Variants in ALDH2 observed in about 807,000 individuals in gnomAD.
ALDH2 encodes aldehyde dehydrogenase, mitochondrial.
A neutral mutation model predicts 59.6 loss-of-function variants in ALDH2; 44 were observed. The ratio of observed to expected loss-of-function variants is 0.74; its 90% confidence interval spans 0.58 to 0.95. ALDH2 has a LOEUF of 0.95. Ranked by LOEUF, ALDH2 falls within the 40% of genes least tolerant of loss-of-function variation. The pLI, the probability that ALDH2 is intolerant of heterozygous loss-of-function variation, is 0.00. For synonymous variants in ALDH2, 291 were observed against 284.0 expected (o/e 1.02, Z -0.25); for missense variants, 570 against 696.3 (o/e 0.82, Z 2.04).
intron 12 of ALDH2, 35 bp from the exon 13 acceptor site, chr12:111,809,508 A>C (rs1254056191): frequency 6.2e-7 from 1 of 1,613,584 alleles, no homozygotes; most frequent in Non-Finnish European, 8.5e-7. Context: ...ACAGGGAAGC[A>C]GGAAGATCTA....
intron 3 of ALDH2, among the ~76,000 whole-genome samples, chr12:111,784,933 A>G (rs1276747174): frequency 1.3e-5 from 2 of 152,176 alleles, no homozygotes; most frequent in Admixed American, 6.6e-5. Flanking sequence ...GACTTGTGTC[A>G]TTATGCACAG....
At chr12:111,785,910 C>T (rs1442135142) in intron 4 of ALDH2, among the ~76,000 whole-genome samples, 1 of 152,112 alleles carries the variant, frequency 6.6e-6, no homozygotes, top group Non-Finnish European at 1.5e-5. Context: ...TGGAACTTGT[C>T]CATTTTATCG....
rs1181505522 is a variant in ALDH2, at chr12:111,787,154, C to T, written c.440+1808C>T. Among the ~76,000 whole-genome samples, 4 of 151,886 alleles carry T rather than the reference C, an allele frequency of 2.6e-5. No homozygotes were observed. In the South Asian group the frequency reaches 6.2e-4, roughly 24 times the overall value. On this transcript the variant is annotated intron_variant, in intron 4 of 12. Coordinates refer to ENST00000261733, the MANE Select transcript of ALDH2 (RefSeq NM_000690.4). ...CCAGGAGGTGGAGGTTACAGTGAGC[C>T]GAGATCGTGCCATTGCACTCCAGTC...
In ALDH2 at chr12:111,810,968, TTAAG is replaced by T. The variant is rs1405833289; in HGVS notation, c.*1395_*1398del. ...GAAACCAGATGTCAATTTACTTACT[TTAAG>T]TGAGATCTGTATCTTCAGTAACCAG... On this transcript the variant is annotated 3_prime_UTR_variant, in exon 13 of 13. Transcript: ENST00000261733. 6.6e-6 allele frequency: 1 copy of T among 152,068 alleles called. No individual in the cohort carries two copies. Among genetic ancestry groups the T allele is most frequent in the Non-Finnish European group, 1.5e-5 (1 of 68,018 alleles). The allele number at this position is 152,068 out of a possible 1,614,324, so 9.4% of individuals were successfully genotyped here. A position where few individuals can be genotyped will look rare whatever the true frequency, so the allele number is the denominator to read the frequency against.
intron 10 of ALDH2, among the ~76,000 whole-genome samples, chr12:111,798,782 G>C (rs1345268678): frequency 6.6e-6 from 1 of 151,986 alleles, no homozygotes; most frequent in Non-Finnish European, 1.5e-5. Context: ...CGAAGTGGGT[G>C]GATCACCTGA....
intron 12 of ALDH2, among the ~76,000 whole-genome samples, 173 bp from the exon 13 acceptor site, chr12:111,809,370 G>A (rs1485725464): frequency 1.3e-5 from 2 of 152,120 alleles, no homozygotes; most frequent in East Asian, 1.9e-4. Context: ...TGGGAGGATC[G>A]CTTGAGCCAG....
chr12:111,784,947 CTT>C (rs1054278049), intron 3 of ALDH2, among the ~76,000 whole-genome samples: 1 of 152,214 alleles, frequency 6.6e-6, no homozygotes, highest in Non-Finnish European at 1.5e-5. Context: ...TGCACAGTCT[CTT>C]TGCTCTGTAA....
At chr12:111,790,673 GC>G in intron 6 of ALDH2, 111 bp downstream of exon 6, 6 of 1,427,070 alleles carry the variant, frequency 4.2e-6, no homozygotes, top group Non-Finnish European at 4.8e-6. Flanking sequence ...TGTTTGTGGA[GC>G]CCCCATCACC....
chr12:111,791,517 C>T (rs943187004), intron 7 of ALDH2, 98 bp downstream of exon 7: 19 of 930,348 alleles, frequency 2.0e-5, no homozygotes, highest in African/African-American at 6.6e-5. Flanking sequence ...GGGTGTCAAG[C>T]GGAGGCCTTT....
chr12:111,774,871 A>C (rs1461063375), intron 1 of ALDH2, among the ~76,000 whole-genome samples: 1 of 152,206 alleles, frequency 6.6e-6, no homozygotes, highest in Non-Finnish European at 1.5e-5. Flanking sequence ...GGCATGGAGA[A>C]CAAGATAGCC....
At chr12:111,768,140 C>A (rs2136004698) in intron 1 of ALDH2, among the ~76,000 whole-genome samples, 1 of 152,310 alleles carries the variant, frequency 6.6e-6, no homozygotes, top group East Asian at 1.9e-4. Context: ...AGTGACTCAC[C>A]TAAAGACCAA....
rs2068541280 is a variant in ALDH2 at position 111,812,272 on chromosome 12, T to G, written c.*2697T>G. On this transcript the variant is annotated 3_prime_UTR_variant, in exon 13 of 13. Transcript: ENST00000261733. Reference sequence around the variant, plus strand: ...GACGGTTAGGCCTCCGGATAACTAATGATTAATGATATTCATATATAATCA... The same window carrying G: ...GACGGTTAGGCCTCCGGATAACTAAGGATTAATGATATTCATATATAATCA... 1 of 152,282 alleles carries G rather than the reference T, an allele frequency of 6.6e-6. No homozygotes were observed. The highest frequency in any genetic ancestry group is 2.4e-5 in the African/African-American group (1 of 41,452). 9.4% of individuals were successfully genotyped at this position (152,282 alleles called of 1,614,324 possible). A position where few individuals can be genotyped will look rare whatever the true frequency, so the allele number is the denominator to read the frequency against.
Position 111,812,096 on chromosome 12 carries a change from G to C in ALDH2, c.*2521G>C, listed in dbSNP as rs1366076315. 1 of 152,578 alleles carries C rather than the reference G, an allele frequency of 6.6e-6. No individual in the cohort carries two copies. The highest frequency in any genetic ancestry group is 1.5e-5 in the Non-Finnish European group (1 of 68,340). The allele number at this position is 152,578 out of a possible 1,614,324, so 9.5% of individuals were successfully genotyped here. On this transcript the variant is annotated 3_prime_UTR_variant, in exon 13 of 13. Transcript: ENST00000261733. ...AGGCAGAGATAGACAGGGAGAGAGA[G>C]AGACAGCTTACGCCATTATTTCTGC...
At chr12:111,774,428 G>A (rs189985085) in intron 1 of ALDH2, among the ~76,000 whole-genome samples, 58 of 152,298 alleles carry the variant, frequency 3.8e-4, no homozygotes, top group Admixed American at 5.9e-4. Flanking sequence ...AAGTGAAAGA[G>A]CACATGCCGT....
chr12:111,794,486 G>A (rs768925671), intron 9 of ALDH2, among the ~76,000 whole-genome samples: 1 of 152,106 alleles, frequency 6.6e-6, no homozygotes, highest in Non-Finnish European at 1.5e-5. Context: ...CCATGGGACA[G>A]GGTTATGTGC....
rs771771961 is a variant in ALDH2 at position 111,791,317 on chromosome 12, C to T, written c.693C>T (p.Pro231=). Residue 231 remains proline (P), a synonymous_variant, in exon 7 of 13, where the codon CCC becomes CCT. Coordinates refer to ENST00000261733, the MANE Select transcript of ALDH2 (RefSeq NM_000690.4). ...CTGTTTGCTCACAGGCTGGCTTTCCCCCTGGTGTGGTCAACATTGTGCCTG... is the reference window on the plus strand; with the variant it reads ...CTGTTTGCTCACAGGCTGGCTTTCCTCCTGGTGTGGTCAACATTGTGCCTG... ...VANLIKEAGF[P]PGVVNIVPGF... 3 of 1,613,796 alleles carry T rather than the reference C, an allele frequency of 1.9e-6. No homozygotes were observed. The highest frequency in any genetic ancestry group is 1.3e-5 in the African/African-American group (1 of 74,930).
Position 111,790,021 on chromosome 12 carries a change from C to G in ALDH2, c.552+87C>G, listed in dbSNP as rs749854544. The G allele has an allele frequency of 6.2e-6, 8 of 1,296,154 alleles. No homozygotes were observed. The African/African-American group carries it at 1.0e-4, about 17-fold the overall frequency. The allele number at this position is 1,296,154 out of a possible 1,614,324, so 80.3% of individuals were successfully genotyped here. On this transcript the variant is annotated intron_variant, in intron 5 of 12. Coordinates refer to ENST00000261733, the MANE Select transcript of ALDH2 (RefSeq NM_000690.4). ...CATTGCAGAGGTTCTGGGGTGGTGT[C>G]GGAAGGCAGCCTGGGTGGCAGGTAA...
rs1372662184 is a variant in ALDH2 at position 111,810,581 on chromosome 12, A to C, written c.*1006A>C. ...ACATGATGCCCAAGAGAGGGGAGAGATACTGAATGTCCAATGTTCTCAAAT... is the reference window on the plus strand; with the variant it reads ...ACATGATGCCCAAGAGAGGGGAGAGCTACTGAATGTCCAATGTTCTCAAAT... On this transcript the variant is annotated 3_prime_UTR_variant, in exon 13 of 13. Coordinates refer to ENST00000261733, the MANE Select transcript of ALDH2 (RefSeq NM_000690.4). The C allele has an allele frequency of 6.6e-6, 1 of 151,526 alleles. No individual in the cohort carries two copies. The highest frequency in any genetic ancestry group is 2.4e-5 in the African/African-American group (1 of 41,088). The allele number at this position is 151,526 out of a possible 1,614,324, so 9.4% of individuals were successfully genotyped here.
At position 111,811,321 on chromosome 12, in the gene ALDH2, C is replaced by A. The variant is rs891389713; in HGVS notation, c.*1746C>A. 7 of 151,874 alleles carry A rather than the reference C, an allele frequency of 4.6e-5. No homozygotes were observed. Among genetic ancestry groups the A allele is most frequent in the African/African-American group, 1.7e-4 (7 of 41,358 alleles). 9.4% of individuals were successfully genotyped at this position (151,874 alleles called of 1,614,324 possible). A position where few individuals can be genotyped will look rare whatever the true frequency, so the allele number is the denominator to read the frequency against. On this transcript the variant is annotated 3_prime_UTR_variant, in exon 13 of 13. Transcript: ENST00000261733. ...CCAAGATTGCTCCATTGTACTCCAG[C>A]CTGGGCAACAAGAGAGAAACTCCGT...
Sources: allele counts gnomAD v4.1 joint callset (sites outside exome capture counted in the v4.1 genomes callset), GRCh38; gene constraint gnomAD v4.1.1; transcripts MANE v1.5; gene names NCBI Gene and HGNC (gene_info 2026-07-23, HGNC 2026-07-21).